The following SPTBN1 variants were observed in gnomAD, a reference collection of about 807,000 sequenced individuals.
SPTBN1 encodes the protein spectrin beta chain, non-erythrocytic 1.
In SPTBN1, 32 loss-of-function variants were observed where a neutral mutation model predicts 266.4. The ratio of observed to expected loss-of-function variants is 0.12; its 90% confidence interval spans 0.09 to 0.16. The LOEUF (loss-of-function observed/expected upper bound fraction) is 0.16, where lower values mean the gene tolerates loss of function less well. Ranked by LOEUF, SPTBN1 falls within the 10% of genes least tolerant of loss-of-function variation. The probability of loss-of-function intolerance (pLI) is 1.00; values close to 1 mark genes in which losing one functional copy is unlikely to be tolerated. For missense variants in SPTBN1, 2,296 were observed against 3,067.1 expected, an observed-to-expected ratio of 0.75 and a Z score of 5.94; for synonymous variants, 1,336 against 1,162.2, an observed-to-expected ratio of 1.15 and a Z score of -3.04.
chr2:54,542,933 T>C (rs1672020261), intron 2 of SPTBN1, among the ~76,000 whole-genome samples: 1 of 152,192 alleles, frequency 6.6e-6, no homozygotes, highest in Non-Finnish European at 1.5e-5. Context: ...CCTCTAGTTT[T>C]TAGGATTATG....
chr2:54,474,130 A>G (rs931834421), intron 1 of SPTBN1, among the ~76,000 whole-genome samples: 11 of 152,248 alleles, frequency 7.2e-5, no homozygotes, highest in Admixed American at 2.0e-4. Context: ...AATGCTAGCC[A>G]TTTTAGATGT....
intron 1 of SPTBN1, among the ~76,000 whole-genome samples, chr2:54,474,800 A>T (rs536823801): frequency 3.5e-4 from 53 of 152,300 alleles, no homozygotes; most frequent in Non-Finnish European, 6.5e-4. Context: ...CTTTTGTCTC[A>T]GAGCTGTTTT....
intron 18 of SPTBN1, 62 bp from the exon 19 acceptor site, chr2:54,642,921 C>T (rs1198236764): frequency 3.2e-6 from 5 of 1,572,888 alleles, no homozygotes; most frequent in Admixed American, 3.6e-5. Context: ...CAACCCTTTC[C>T]AGGCGGAAAA....
At chr2:54,499,268 A>G (rs1490969250) in intron 1 of SPTBN1, among the ~76,000 whole-genome samples, 4 of 152,202 alleles carry the variant, frequency 2.6e-5, no homozygotes, top group Admixed American at 6.5e-5. Flanking sequence ...TTGGAAACTA[A>G]TGTTGCTTCC....
Position 54,631,607 on chromosome 2 carries a change from A to G in SPTBN1, c.3560A>G (p.Asn1187Ser). Residue 1187 changes from asparagine (N) to serine (S), a missense_variant, in exon 16 of 36, where the codon AAC becomes AGC. Around this residue, in one of 12 missense-constraint regions of SPTBN1, gnomAD observed 386 missense variants for 486.1 expected, o/e 0.79. Coordinates refer to ENST00000356805, the MANE Select transcript of SPTBN1 (RefSeq NM_003128.3). ...DTKQAEAFLNNQEYVLAHTEM... is the reference protein window; with the variant it reads ...DTKQAEAFLNSQEYVLAHTEM... ...AAGCAAGCCGAAGCCTTTCTTAACA[A>G]CCAGGTAAGGTTTGTTCCTGCCTTT... The G allele has an allele frequency of 1.2e-6, 2 of 1,609,360 alleles. No homozygotes were observed. Among genetic ancestry groups the G allele is most frequent in the Non-Finnish European group, 8.5e-7 (1 of 1,177,672 alleles).
chr2:54,570,147 G>A (rs1673959299), intron 2 of SPTBN1, among the ~76,000 whole-genome samples: 1 of 152,198 alleles, frequency 6.6e-6, no homozygotes, highest in Non-Finnish European at 1.5e-5. Flanking sequence ...TTGTCAGAGA[G>A]CGCTCCTGTA....
At chr2:54,559,356 G>T (rs1673121170) in intron 2 of SPTBN1, among the ~76,000 whole-genome samples, 1 of 152,112 alleles carries the variant, frequency 6.6e-6, no homozygotes, top group Non-Finnish European at 1.5e-5. Context: ...TAAGCCTTTG[G>T]TAAATTACAG....
intron 1 of SPTBN1, among the ~76,000 whole-genome samples, chr2:54,506,432 C>G (rs924653555): frequency 2.0e-5 from 3 of 150,646 alleles, no homozygotes; most frequent in African/African-American, 4.9e-5. Flanking sequence ...ATAGATGACT[C>G]AATCTACAAG....
At chr2:54,661,529 A>C in intron 32 of SPTBN1, 1 of 985,632 alleles carries the variant, frequency 1.0e-6, no homozygotes, top group Middle Eastern at 5.2e-4. Context: ...CTGACTGTAG[A>C]TGGGTATATA....
chr2:54,559,381 G>A (rs1329285992), intron 2 of SPTBN1, among the ~76,000 whole-genome samples: 1 of 152,132 alleles, frequency 6.6e-6, no homozygotes, highest in East Asian at 1.9e-4. Flanking sequence ...TTATTCAGAA[G>A]CTTAATTTTA....
intron 17 of SPTBN1, 77 bp downstream of exon 17, chr2:54,632,845 T>A: frequency 6.6e-7 from 1 of 1,508,794 alleles, no homozygotes; most frequent in Non-Finnish European, 9.0e-7. Context: ...CCAGAAGCCC[T>A]TGGGAGTTTA....
intron 9 of SPTBN1, 73 bp downstream of exon 9, chr2:54,622,560 T>C (rs1451275628): frequency 6.6e-7 from 1 of 1,524,578 alleles, no homozygotes; most frequent in Non-Finnish European, 8.9e-7. Flanking sequence ...CCCTATGTTC[T>C]GATTTCTGTA....
At chr2:54,607,565 T>A (rs1676928958) in intron 3 of SPTBN1, among the ~76,000 whole-genome samples, 1 of 151,958 alleles carries the variant, frequency 6.6e-6, no homozygotes, top group Non-Finnish European at 1.5e-5. Flanking sequence ...GAGATTGCGG[T>A]GAGATCGTGC....
At chr2:54,623,438 T>C in intron 9 of SPTBN1, 41 bp from the exon 10 acceptor site, 2 of 1,584,550 alleles carry the variant, frequency 1.3e-6, no homozygotes, top group Non-Finnish European at 1.7e-6. Context: ...GTGAAATTTT[T>C]TTTTCTCCAG....
At chr2:54,639,339 C>T (rs1241687120) in intron 18 of SPTBN1, among the ~76,000 whole-genome samples, 3 of 152,216 alleles carry the variant, frequency 2.0e-5, no homozygotes, top group Non-Finnish European at 2.9e-5. Context: ...TTGGTAGTCC[C>T]TGTTTCACCT....
intron 1 of SPTBN1, among the ~76,000 whole-genome samples, chr2:54,501,681 T>C (rs1669276712): frequency 1.3e-5 from 2 of 152,218 alleles, no homozygotes; most frequent in African/African-American, 4.8e-5. Flanking sequence ...ACCTTTCTGC[T>C]CAGTGCTCCT....
At chr2:54,568,349 C>CAAAAAA (rs888478845) in intron 2 of SPTBN1, among the ~76,000 whole-genome samples, 40 of 95,564 alleles carry the variant, frequency 4.2e-4, no homozygotes, top group East Asian at 9.2e-4. Flanking sequence ...GACTCTGTCT[C>CAAAAAA]AAAAAAAAAA....
intron 1 of SPTBN1, among the ~76,000 whole-genome samples, chr2:54,484,771 G>GTGA (rs1553431726): frequency 8.5e-5 from 1 of 11,774 alleles, no homozygotes; most frequent in African/African-American, 3.4e-3. Context: ...TGGGGTGGTT[G>GTGA]TGTCGGAGAC....
At chr2:54,640,167 A>T (rs1293289570) in intron 18 of SPTBN1, among the ~76,000 whole-genome samples, 1 of 152,202 alleles carries the variant, frequency 6.6e-6, no homozygotes, top group African/African-American at 2.4e-5. Flanking sequence ...ACCCCTTTTA[A>T]GCCAGAATCT....
Sources: gnomAD v4.1 joint callset for allele counts (sites outside exome capture counted in the v4.1 genomes callset) on GRCh38, gnomAD v4.1.1 for gene constraint, gnomAD v4.1.1 regional missense constraint, MANE v1.5 for transcripts, NCBI Gene and HGNC (gene_info 2026-07-23, HGNC 2026-07-21) for gene names.